PIK3C2A: variants seen among roughly 807,000 people sequenced by gnomAD.
PIK3C2A encodes phosphatidylinositol 4-phosphate 3-kinase C2 domain-containing subunit alpha.
PIK3C2A carries 97 observed loss-of-function variants against 204.5 expected under a neutral mutation model. That is an observed-to-expected ratio of 0.47 (90% CI 0.40 to 0.56). The LOEUF is 0.56. Among genes scored for constraint, PIK3C2A ranks in the 20% least tolerant of loss-of-function variants. The pLI is 0.00. For synonymous variants in PIK3C2A, 653 were observed against 664.4 expected (o/e 0.98, Z 0.26); for missense variants, 1,735 against 1,969.2 (o/e 0.88, Z 2.25).
At chr11:17,151,972 C>T (rs1237494068) in intron 3 of PIK3C2A, among the ~76,000 whole-genome samples, 2 of 152,070 alleles carry the variant, frequency 1.3e-5, no homozygotes, top group Non-Finnish European at 2.9e-5. Context: ...ATTTTTTCTA[C>T]ATCTAAGCAA....
Position 17,099,854 on chromosome 11 carries a change from C to G in PIK3C2A, c.4118+6G>C, listed in dbSNP as rs894204534. 8.1e-7 allele frequency: 1 copy of G among 1,231,924 alleles called. No individual in the cohort carries two copies. Among genetic ancestry groups the G allele is most frequent in the Non-Finnish European group, 1.2e-6 (1 of 834,796 alleles). The allele number at this position is 1,231,924 out of a possible 1,614,324, so 76.3% of individuals were successfully genotyped here. A position where few individuals can be genotyped will look rare whatever the true frequency, so the allele number is the denominator to read the frequency against. The stretch of plus-strand genomic sequence containing the variant: ...TCCTTCTGCAATATACTTAAATATG[C>G]TTTACCTAGTAAAGAAAATTGTAGC... On this transcript the variant is annotated splice_donor_region_variant and intron_variant, in intron 26 of 32. Coordinates refer to ENST00000691414, the MANE Select transcript of PIK3C2A (RefSeq NM_002645.4).
rs530009330 is a variant in PIK3C2A, at chr11:17,100,270, C to T, written c.4009-301G>A. On this transcript the variant is annotated intron_variant, in intron 25 of 32. Transcript: ENST00000691414. ...GGGGCGGGGGGGGGGGGCAGGGAGC[C>T]GGGTGCGATCTTGGCTCACTGCATC... Among the ~76,000 whole-genome samples the T allele has an allele frequency of 1.5e-4, 20 of 135,162 alleles. No homozygotes were observed. The South Asian group carries it at 3.7e-3, about 25-fold the overall frequency. The allele number at this position is 135,162 out of a possible 152,430, so 88.7% of individuals were successfully genotyped here. A position where few individuals can be genotyped will look rare whatever the true frequency, so the allele number is the denominator to read the frequency against.
At chr11:17,101,705 GACATT>G (rs1447855035) in intron 24 of PIK3C2A, among the ~76,000 whole-genome samples, 6 of 150,726 alleles carry the variant, frequency 4.0e-5, no homozygotes, top group African/African-American at 7.3e-5. Context: ...CTGGGTTCAT[GACATT>G]CTCCTGCCTC....
At chr11:17,180,283 G>A (rs540088269) in intron 1 of PIK3C2A, among the ~76,000 whole-genome samples, 2 of 152,196 alleles carry the variant, frequency 1.3e-5, no homozygotes, top group East Asian at 3.9e-4. Context: ...TGGGAAGACT[G>A]CTTGAGCCCA....
chr11:17,173,992 CA>C, intron 1 of PIK3C2A, among the ~76,000 whole-genome samples: 1 of 151,892 alleles, frequency 6.6e-6, no homozygotes, highest in Admixed American at 6.6e-5. Flanking sequence ...TAGTAGAGAC[CA>C]AAAAGTTTAG....
chr11:17,090,908 T>A (rs915119409), intron 32 of PIK3C2A, among the ~76,000 whole-genome samples: 2 of 151,700 alleles, frequency 1.3e-5, no homozygotes, highest in Non-Finnish European at 2.9e-5. Context: ...CCTAGCTAAT[T>A]TTTTTCTTTT....
chr11:17,141,858 G>A (rs1850074297), intron 8 of PIK3C2A, among the ~76,000 whole-genome samples: 1 of 152,182 alleles, frequency 6.6e-6, no homozygotes, highest in Non-Finnish European at 1.5e-5. Context: ...GTATTTTCAA[G>A]GTGGAGCTGA....
At chr11:17,163,612 C>T (rs1030132704) in intron 2 of PIK3C2A, among the ~76,000 whole-genome samples, 1 of 151,896 alleles carries the variant, frequency 6.6e-6, no homozygotes, top group African/African-American at 2.4e-5. Context: ...ACGGGTCTCC[C>T]TACATTCCCC....
chr11:17,149,669 T>C (rs1230421765), intron 4 of PIK3C2A, among the ~76,000 whole-genome samples: 1 of 152,112 alleles, frequency 6.6e-6, no homozygotes, highest in Non-Finnish European at 1.5e-5. Flanking sequence ...GCCAAGATCA[T>C]GCCACTGCAC....
At chr11:17,181,130 T>G (rs1056202988) in intron 1 of PIK3C2A, among the ~76,000 whole-genome samples, 1 of 152,162 alleles carries the variant, frequency 6.6e-6, no homozygotes, top group African/African-American at 2.4e-5. Context: ...TCCCGGCACC[T>G]CTATGTGTTC....
intron 1 of PIK3C2A, chr11:17,193,863 A>AGGAGGGGAGGGGAGGGGAGGGG (rs1304719084): frequency 2.3e-5 from 2 of 88,376 alleles, no homozygotes; most frequent in African/African-American, 1.4e-4. Flanking sequence ...AAAAGAAAAG[A>AGGAGGGGAGGGGAGGGGAGGGG]AAAGAAAAGA....
Position 17,087,704 on chromosome 11 carries a change from T to G in PIK3C2A, c.*2034A>C, listed in dbSNP as rs1366078963. ...GGAATGGAATTCGGTCTCAAAAGCT[T>G]AAGTGAAAATTACTAGTACATTTGC... On this transcript the variant is annotated 3_prime_UTR_variant, in exon 33 of 33. Coordinates refer to ENST00000691414, the MANE Select transcript of PIK3C2A (RefSeq NM_002645.4). 1 of 152,218 alleles carries G rather than the reference T, an allele frequency of 6.6e-6. No individual in the cohort carries two copies. Among genetic ancestry groups the G allele is most frequent in the African/African-American group, 2.4e-5 (1 of 41,458 alleles). The allele number at this position is 152,218 out of a possible 1,614,324, so 9.4% of individuals were successfully genotyped here.
At chr11:17,200,456 A>G (rs148823828) in intron 1 of PIK3C2A, among the ~76,000 whole-genome samples, 152 of 152,290 alleles carry the variant, frequency 1.0e-3, no homozygotes, top group African/African-American at 3.5e-3. Context: ...ATGTTATTGA[A>G]TCTCAAAAGT....
At chr11:17,195,199 G>A (rs1315994615) in intron 1 of PIK3C2A, among the ~76,000 whole-genome samples, 1 of 151,920 alleles carries the variant, frequency 6.6e-6, no homozygotes, top group African/African-American at 2.4e-5. Flanking sequence ...TGGATCACGA[G>A]GTTAAGAGAT....
chr11:17,177,812 G>T (rs1024069741), intron 1 of PIK3C2A, among the ~76,000 whole-genome samples: 2 of 152,150 alleles, frequency 1.3e-5, no homozygotes, highest in Admixed American at 1.3e-4. Flanking sequence ...ACAGAATGAG[G>T]CCAGTAGCGA....
chr11:17,160,172 C>G (rs1326894162), intron 2 of PIK3C2A, among the ~76,000 whole-genome samples: 1 of 152,164 alleles, frequency 6.6e-6, no homozygotes, highest in Non-Finnish European at 1.5e-5. Flanking sequence ...CACATTACTA[C>G]AAGGGTCTAG....
rs61763088 is a variant in PIK3C2A, at chr11:17,090,836, C to T, written c.4878+498G>A. 7.6e-4 allele frequency among the ~76,000 whole-genome samples: 116 copies of T among 151,936 alleles called. 3 individuals are homozygous for T. The East Asian group carries it at 0.021, about 27-fold the overall frequency. ...CTCACTGTGGCCTTGACCTCCTGGG[C>T]TCAAGCAATCCTTTGACCTCAGCCT... On this transcript the variant is annotated intron_variant, in intron 32 of 32. Coordinates refer to ENST00000691414, the MANE Select transcript of PIK3C2A (RefSeq NM_002645.4).
rs1465491954 is a variant in PIK3C2A, at chr11:17,174,460, G to A, written c.-65-4654C>T. 1.1e-4 allele frequency among the ~76,000 whole-genome samples: 9 copies of A among 85,704 alleles called. 4 individuals are homozygous for A. Among genetic ancestry groups the A allele is most frequent in the African/African-American group, 2.9e-4 (6 of 20,802 alleles). The allele number at this position is 85,704 out of a possible 152,430, so 56.2% of individuals were successfully genotyped here. ...TACAAAAAAATTAGCCGGGCGTAGT[G>A]GCGGGCGCCTGTAGTCCCAGCTACT... On this transcript the variant is annotated intron_variant, in intron 1 of 32. Transcript: ENST00000691414.
intron 8 of PIK3C2A, among the ~76,000 whole-genome samples, chr11:17,140,188 G>A (rs1446784349): frequency 6.6e-6 from 1 of 152,160 alleles, no homozygotes; most frequent in Admixed American, 6.5e-5. Context: ...GCTGAGGTGG[G>A]AGGATCTCTT....
Sources: allele counts gnomAD v4.1 joint callset (sites outside exome capture counted in the v4.1 genomes callset), GRCh38; gene constraint gnomAD v4.1.1; transcripts MANE v1.5; gene names NCBI Gene and HGNC (gene_info 2026-07-23, HGNC 2026-07-21).